The following STXBP5L variants were observed in gnomAD, a reference collection of about 807,000 sequenced individuals.
The protein encoded by STXBP5L is syntaxin binding protein 5L, also known as syntaxin-binding protein 5-like.
Under a neutral mutation model 144.5 loss-of-function variants are expected in STXBP5L, and 65 were observed. The observed-to-expected ratio is 0.45, with a 90% CI of 0.37 to 0.55. STXBP5L has a LOEUF of 0.55. STXBP5L is among the 20% of genes least tolerant of loss of function. STXBP5L has a pLI of 0.00. For missense variants in STXBP5L, 1,298 were observed against 1,405.5 expected (o/e 0.92, Z 1.22); for synonymous variants, 505 against 469.6 (o/e 1.08, Z -0.97).
chr3:121,116,324 A>T (rs1183576132), intron 6 of STXBP5L, among the ~76,000 whole-genome samples: 1 of 152,060 alleles, frequency 6.6e-6, no homozygotes. Context: ...TATTTTACCT[A>T]ATCTTAATGT....
chr3:121,174,277 T>A (rs1218291715), intron 9 of STXBP5L, among the ~76,000 whole-genome samples: 1 of 152,142 alleles, frequency 6.6e-6, no homozygotes, highest in Non-Finnish European at 1.5e-5. Context: ...TATGATAGAT[T>A]TGTATATATT....
rs1940020303 is a variant in STXBP5L, at chr3:120,969,696, ATC to A, written c.287+14661_287+14662del. Reference sequence around the variant, plus strand: ...TTCAGGTCTTATATTTAAGTCTTTTATCTATATTGACTTGATTTTTGTGTAAA... The same window carrying A: ...TTCAGGTCTTATATTTAAGTCTTTTATATATTGACTTGATTTTTGTGTAAA... On this transcript the variant is annotated intron_variant, in intron 3 of 26. Coordinates refer to ENST00000471454, the MANE Select transcript of STXBP5L (RefSeq NM_001308330.2). 2.6e-5 allele frequency among the ~76,000 whole-genome samples: 4 copies of A among 152,000 alleles called. No individual in the cohort carries two copies. The South Asian group carries it at 8.3e-4, about 32-fold the overall frequency.
intron 12 of STXBP5L, among the ~76,000 whole-genome samples, chr3:121,234,136 G>T (rs2049394421): frequency 6.6e-6 from 1 of 152,102 alleles, no homozygotes; most frequent in Non-Finnish European, 1.5e-5. Context: ...TATGTCACAG[G>T]CAATTGAAAC....
chr3:121,187,228 A>G (rs551745272), intron 9 of STXBP5L, among the ~76,000 whole-genome samples: 1 of 152,216 alleles, frequency 6.6e-6, no homozygotes, highest in Non-Finnish European at 1.5e-5. Context: ...GCCATAAAAA[A>G]TGATGAGTTC....
intron 9 of STXBP5L, among the ~76,000 whole-genome samples, chr3:121,185,723 A>G (rs2047350620): frequency 6.6e-6 from 1 of 152,172 alleles, no homozygotes; most frequent in Non-Finnish European, 1.5e-5. Context: ...GTTCAAAGTC[A>G]GGTAGCATGA....
intron 7 of STXBP5L, among the ~76,000 whole-genome samples, chr3:121,123,323 G>A (rs1439997209): frequency 6.6e-6 from 1 of 151,530 alleles, no homozygotes; most frequent in Non-Finnish European, 1.5e-5. Flanking sequence ...TTATGACCTA[G>A]AAAATTCATT....
intron 23 of STXBP5L, among the ~76,000 whole-genome samples, chr3:121,412,714 T>C (rs1267776840): frequency 2.1e-5 from 3 of 140,230 alleles, no homozygotes; most frequent in Non-Finnish European, 4.6e-5. Context: ...GAAAATAAAG[T>C]TGTTTCTCCC....
In STXBP5L at chr3:121,041,579, C is replaced by G. The variant is rs1011659410; in HGVS notation, c.288-121C>G. 8.6e-5 allele frequency: 58 copies of G among 677,916 alleles called. No individual in the cohort carries two copies. The African/African-American group carries it at 9.8e-4, about 11-fold the overall frequency. The allele number at this position is 677,916 out of a possible 1,614,324, so 42.0% of individuals were successfully genotyped here. A position where few individuals can be genotyped will look rare whatever the true frequency, so the allele number is the denominator to read the frequency against. Reference sequence around the variant, plus strand: ...ATCTACTAAGAGTAAGATTTTTCAACTATTTATAAAAATAAGGGAAACCAA... The same window carrying G: ...ATCTACTAAGAGTAAGATTTTTCAAGTATTTATAAAAATAAGGGAAACCAA... On this transcript the variant is annotated intron_variant, in intron 3 of 26. Transcript: ENST00000471454.
intron 3 of STXBP5L, among the ~76,000 whole-genome samples, chr3:120,982,512 A>C (rs537406356): frequency 6.6e-6 from 1 of 152,166 alleles, no homozygotes; most frequent in Non-Finnish European, 1.5e-5. Flanking sequence ...CCCAGGGCTC[A>C]TGACTCTCAG....
chr3:121,073,089 G>A (rs547091372), intron 5 of STXBP5L, among the ~76,000 whole-genome samples: 13 of 152,318 alleles, frequency 8.5e-5, no homozygotes, highest in African/African-American at 2.9e-4. Flanking sequence ...CAGATATGAA[G>A]CTGCTTCCAT....
At chr3:121,355,841 T>A (rs2108625534) in intron 20 of STXBP5L, among the ~76,000 whole-genome samples, 1 of 152,348 alleles carries the variant, frequency 6.6e-6, no homozygotes, top group African/African-American at 2.4e-5. Flanking sequence ...ACCTTTGGTC[T>A]TTGATGTTGG....
In STXBP5L at chr3:121,423,962, T is replaced by G. The variant is rs2047407144; in HGVS notation, c.*4865T>G. The G allele has an allele frequency of 6.6e-6, 1 of 152,220 alleles. No individual in the cohort carries two copies. Among genetic ancestry groups the G allele is most frequent in the Non-Finnish European group, 1.5e-5 (1 of 68,042 alleles). 9.4% of individuals were successfully genotyped at this position (152,220 alleles called of 1,614,324 possible). On this transcript the variant is annotated 3_prime_UTR_variant, in exon 27 of 27. Transcript: ENST00000471454. ...TCCATCAATTATTCCAATTCAAAGGTCTAGGTTTTTTTTCAATTGTCTTAC... is the reference window on the plus strand; with the variant it reads ...TCCATCAATTATTCCAATTCAAAGGGCTAGGTTTTTTTTCAATTGTCTTAC...
intron 7 of STXBP5L, among the ~76,000 whole-genome samples, chr3:121,139,939 T>C (rs1395987922): frequency 6.6e-6 from 1 of 151,976 alleles, no homozygotes; most frequent in Non-Finnish European, 1.5e-5. Flanking sequence ...TATAAGGGAC[T>C]CAGACAACTC....
chr3:121,137,392 C>T (rs897359928), intron 7 of STXBP5L, among the ~76,000 whole-genome samples: 2 of 152,034 alleles, frequency 1.3e-5, no homozygotes, highest in Admixed American at 6.6e-5. Context: ...GATTGGCAGA[C>T]TCTTATGAAC....
At chr3:121,033,587 C>A (rs867695428) in intron 3 of STXBP5L, among the ~76,000 whole-genome samples, 134 of 133,954 alleles carry the variant, frequency 1.0e-3, no homozygotes, top group African/African-American at 2.3e-3. Context: ...AAAAAAAAAA[C>A]ATTAAAAAAT....
At chr3:120,990,217 A>G (rs1053341005) in intron 3 of STXBP5L, among the ~76,000 whole-genome samples, 7 of 152,188 alleles carry the variant, frequency 4.6e-5, no homozygotes, top group Non-Finnish European at 1.0e-4. Flanking sequence ...AATTGCTTCA[A>G]AGAGAATAAA....
intron 20 of STXBP5L, among the ~76,000 whole-genome samples, chr3:121,368,019 A>G (rs2045918448): frequency 1.3e-5 from 2 of 151,822 alleles, no homozygotes; most frequent in Non-Finnish European, 2.9e-5. Context: ...CATGTGTTTC[A>G]TCAAATTTGA....
At chr3:120,960,452 A>C (rs1215531215) in intron 3 of STXBP5L, among the ~76,000 whole-genome samples, 1 of 152,236 alleles carries the variant, frequency 6.6e-6, no homozygotes, top group South Asian at 2.1e-4. Flanking sequence ...ATAAAAACAC[A>C]TGCACACGTA....
intron 19 of STXBP5L, among the ~76,000 whole-genome samples, chr3:121,296,131 G>A (rs1319306546): frequency 6.6e-6 from 1 of 152,126 alleles, no homozygotes; most frequent in East Asian, 1.9e-4. Flanking sequence ...ACTTTCTGAT[G>A]AATCACTGTA....
Sources: allele counts gnomAD v4.1 joint callset (sites outside exome capture counted in the v4.1 genomes callset), GRCh38; gene constraint gnomAD v4.1.1; transcripts MANE v1.5; gene names NCBI Gene and HGNC (gene_info 2026-07-23, HGNC 2026-07-21).